The following LRPPRC variants were observed in gnomAD, a reference collection of about 807,000 sequenced individuals.
LRPPRC encodes the protein leucine-rich PPR motif-containing protein, mitochondrial.
In LRPPRC, 120 loss-of-function variants were observed where a neutral mutation model predicts 180.3. The observed-to-expected ratio is 0.67, with a 90% CI of 0.57 to 0.77. The LOEUF (loss-of-function observed/expected upper bound fraction) is 0.77, where lower values mean the gene tolerates loss of function less well. LRPPRC is among the 30% of genes least tolerant of loss of function. The pLI, the probability that LRPPRC is intolerant of heterozygous loss-of-function variation, is 0.00. For missense variants in LRPPRC, 2,012 were observed against 1,657.2 expected, an observed-to-expected ratio of 1.21 and a Z score of -3.72; for synonymous variants, 723 against 600.0, an observed-to-expected ratio of 1.21 and a Z score of -3.00.
chr2:43,931,777 C>T (rs1217171301), intron 25 of LRPPRC, among the ~76,000 whole-genome samples: 2 of 152,014 alleles, frequency 1.3e-5, no homozygotes, highest in Non-Finnish European at 2.9e-5. Flanking sequence ...CTGTCATGAA[C>T]CCTTAAAGGT....
At chr2:43,963,380 G>C (rs1011331023) in intron 12 of LRPPRC, 1 of 616,834 alleles carries the variant, frequency 1.6e-6, no homozygotes, top group African/African-American at 1.8e-5. Flanking sequence ...GGAGGCAAAG[G>C]TTGCAGTGAG....
intron 1 of LRPPRC, among the ~76,000 whole-genome samples, chr2:43,992,801 G>T (rs1277864770): frequency 6.6e-6 from 1 of 152,146 alleles, no homozygotes; most frequent in South Asian, 2.1e-4. Context: ...ACAGATGAAA[G>T]AAGAAGGAGG....
intron 11 of LRPPRC, among the ~76,000 whole-genome samples, chr2:43,965,506 A>T (rs1673517345): frequency 6.6e-6 from 1 of 152,240 alleles, no homozygotes; most frequent in African/African-American, 2.4e-5. Context: ...AAAAACAAAC[A>T]GTGAAGTGGA....
chr2:43,917,921 A>C (rs1365467470), intron 29 of LRPPRC, 104 bp downstream of exon 29: 4 of 754,504 alleles, frequency 5.3e-6, no homozygotes, highest in Non-Finnish European at 9.0e-6. Flanking sequence ...TTTAAGTCCT[A>C]TCTCTATCCT....
At chr2:43,906,327 C>T (rs558727210) in intron 30 of LRPPRC, among the ~76,000 whole-genome samples, 1 of 152,288 alleles carries the variant, frequency 6.6e-6, no homozygotes, top group East Asian at 1.9e-4. Context: ...AGAACTCAAA[C>T]TATTGGTACT....
rs537978239 is a variant in LRPPRC, at chr2:43,976,082, G to A, written c.737+61C>T. On this transcript the variant is annotated intron_variant, in intron 6 of 37. Transcript: ENST00000260665. ...TTAACAAACAAAAAAGGAGTAAAAT[G>A]ACCACTTTAGCATCTCAGCCATCTA... The A allele has an allele frequency of 7.1e-5, 67 of 943,314 alleles. No homozygotes were observed. The South Asian group carries it at 9.0e-4, about 13-fold the overall frequency. The allele number at this position is 943,314 out of a possible 1,614,324, so 58.4% of individuals were successfully genotyped here.
At chr2:43,989,088 G>C (rs1299904113) in intron 1 of LRPPRC, among the ~76,000 whole-genome samples, 4 of 152,110 alleles carry the variant, frequency 2.6e-5, no homozygotes, top group South Asian at 2.1e-4. Context: ...GCCCAGGCTG[G>C]TCTTGAACTC....
chr2:43,937,832 C>T (rs1158248920), intron 23 of LRPPRC, among the ~76,000 whole-genome samples: 1 of 152,048 alleles, frequency 6.6e-6, no homozygotes, highest in Non-Finnish European at 1.5e-5. Flanking sequence ...GTAAGGGAAG[C>T]ACAATATCAA....
chr2:43,977,120 G>A, intron 4 of LRPPRC, 35 bp downstream of exon 4: 1 of 1,607,906 alleles, frequency 6.2e-7, no homozygotes, highest in South Asian at 1.1e-5. Flanking sequence ...AAAAATGGTG[G>A]ATGTGAAAAT....
intron 34 of LRPPRC, among the ~76,000 whole-genome samples, chr2:43,898,815 CA>C (rs1670784565): frequency 6.6e-6 from 1 of 152,148 alleles, no homozygotes; most frequent in Non-Finnish European, 1.5e-5. Flanking sequence ...TTTTTGTTTG[CA>C]AACTGTGTTG....
rs1228522066 is a variant in LRPPRC at position 43,934,887 on chromosome 2, C to T, written c.2505-9G>A. On this transcript the variant is annotated splice_polypyrimidine_tract_variant and intron_variant, in intron 23 of 37. Coordinates refer to ENST00000260665, the MANE Select transcript of LRPPRC (RefSeq NM_133259.4). ...CAGTAGATAGGTCGCCCCTTAGAAA[C>T]AAAAAAATTAGCAATGAATAAAATA... The T allele has an allele frequency of 6.2e-7, 1 of 1,610,168 alleles. No homozygotes were observed. Among genetic ancestry groups the T allele is most frequent in the East Asian group, 2.2e-5 (1 of 44,744 alleles).
chr2:43,924,682 A>C (rs1037332378), intron 27 of LRPPRC, among the ~76,000 whole-genome samples: 2 of 152,176 alleles, frequency 1.3e-5, no homozygotes, highest in Non-Finnish European at 2.9e-5. Flanking sequence ...CTTTTTGCAA[A>C]AAGAAAAAAA....
chr2:43,957,083 A>G (rs1018174391), intron 14 of LRPPRC, among the ~76,000 whole-genome samples: 12 of 152,260 alleles, frequency 7.9e-5, no homozygotes, highest in African/African-American at 2.9e-4. Flanking sequence ...TCAAAGAATA[A>G]GCTGAACATA....
At chr2:43,917,770 C>T (rs1416440961) in intron 29 of LRPPRC, among the ~76,000 whole-genome samples, 1 of 152,016 alleles carries the variant, frequency 6.6e-6, no homozygotes, top group East Asian at 1.9e-4. Context: ...GCCTGGGCGA[C>T]AGAGTGAGAC....
chr2:43,920,937 A>T (rs1333804958), intron 27 of LRPPRC, among the ~76,000 whole-genome samples: 1 of 152,212 alleles, frequency 6.6e-6, no homozygotes, highest in Non-Finnish European at 1.5e-5. Flanking sequence ...AAAAAAGCAC[A>T]AATTATACAA....
intron 14 of LRPPRC, among the ~76,000 whole-genome samples, chr2:43,952,921 G>C (rs1418833258): frequency 6.6e-6 from 1 of 152,164 alleles, no homozygotes; most frequent in African/African-American, 2.4e-5. Flanking sequence ...ATGGCTCGAA[G>C]CCATGTGACT....
At chr2:43,983,960 T>C (rs1272453145) in intron 1 of LRPPRC, among the ~76,000 whole-genome samples, 1 of 152,156 alleles carries the variant, frequency 6.6e-6, no homozygotes, top group East Asian at 1.9e-4. Context: ...AGATACTGAC[T>C]AAATAAGACA....
intron 25 of LRPPRC, among the ~76,000 whole-genome samples, chr2:43,927,481 C>A (rs1395735957): frequency 6.6e-6 from 1 of 152,150 alleles, no homozygotes; most frequent in African/African-American, 2.4e-5. Context: ...GTCTCAAATA[C>A]TATTAATATC....
chr2:43,963,677 C>T lies in LRPPRC; in HGVS notation c.1399G>A (p.Glu467Lys). ...GIIEILKGMQ[E>K]LGVHPDQETY... is the part of the protein sequence containing the mutation. ...TCCTGATCAGGATGTACTCCCAATTCTTGCATTCCTTTGAGGATTTCAATT... is the reference window on the plus strand; with the variant it reads ...TCCTGATCAGGATGTACTCCCAATTTTTGCATTCCTTTGAGGATTTCAATT... The change falls in exon 12 of 38, where the codon GAA becomes AAA. Residue 467 changes from glutamate to lysine, a missense_variant. Coordinates refer to ENST00000260665, the MANE Select transcript of LRPPRC (RefSeq NM_133259.4). The T allele has an allele frequency of 1.2e-6, 2 of 1,601,854 alleles. No individual in the cohort carries two copies. Among genetic ancestry groups the T allele is most frequent in the Non-Finnish European group, 8.6e-7 (1 of 1,169,112 alleles).
Sources: allele counts gnomAD v4.1 joint callset (sites outside exome capture counted in the v4.1 genomes callset), GRCh38; gene constraint gnomAD v4.1.1; transcripts MANE v1.5; gene names NCBI Gene and HGNC (gene_info 2026-07-23, HGNC 2026-07-21).